Variants in CNBD1 observed in about 807,000 individuals in gnomAD.
CNBD1 encodes cyclic nucleotide-binding domain-containing protein 1.
Under a neutral mutation model 54.4 loss-of-function variants are expected in CNBD1, and 71 were observed. The ratio of observed to expected loss-of-function variants is 1.30; its 90% CI spans 1.08 to 1.59. The LOEUF is 1.59. CNBD1 is among the 40% of genes most tolerant of loss of function. CNBD1 has a pLI of 0.00. For missense variants in CNBD1, 659 were observed against 518.0 expected (o/e 1.27, Z -2.64); for synonymous variants, 182 against 170.7 (o/e 1.07, Z -0.51).
intron 4 of CNBD1, among the ~76,000 whole-genome samples, chr8:87,076,659 G>A (rs542546353): frequency 6.6e-6 from 1 of 152,210 alleles, no homozygotes; most frequent in East Asian, 1.9e-4. Context: ...AGCCAGGATA[G>A]TCTCGATCTC....
At position 87,424,390 on chromosome 8, in the gene CNBD1, C is replaced by T. The variant is rs575675711; in HGVS notation, c.214-4156C>T. On this transcript the variant is annotated intron_variant, in intron 2 of 7. Coordinates refer to the CNBD1 transcript ENST00000521593. ...GTTAGGGTGTCAATTTTGGATCTTT[C>T]CTGCTTTCTCTTGTGGGCATTTAGT... 2.0e-5 allele frequency among the ~76,000 whole-genome samples: 3 copies of T among 152,172 alleles called. No homozygotes were observed. The South Asian group carries it at 6.2e-4, about 32-fold the overall frequency.
At chr8:87,236,781 A>T (rs543668467) in intron 5 of CNBD1, 138 bp from the exon 6 acceptor site, 3 of 478,746 alleles carry the variant, frequency 6.3e-6, no homozygotes, top group African/African-American at 2.0e-5. Context: ...GAAAATGCCT[A>T]TTACATTAAA....
chr8:87,277,349 G>C (rs144399781), intron 6 of CNBD1, among the ~76,000 whole-genome samples: 2 of 151,758 alleles, frequency 1.3e-5, no homozygotes, highest in African/African-American at 4.8e-5. Flanking sequence ...AGTATGGAGG[G>C]CAATCTGATT....
In CNBD1 at chr8:87,286,523, T is replaced by C. The variant is rs745423755; in HGVS notation, c.910-16T>C. On this transcript the variant is annotated splice_polypyrimidine_tract_variant and intron_variant, in intron 7 of 10. Coordinates refer to ENST00000518476, the MANE Select transcript of CNBD1 (RefSeq NM_173538.3). ...TTGCCTGTTATTAAAAATTTGATAATGACATTCTGTTTTAGGAAAAAATAA... is the reference window on the plus strand; with the variant it reads ...TTGCCTGTTATTAAAAATTTGATAACGACATTCTGTTTTAGGAAAAAATAA... 1 of 1,345,686 alleles carries C rather than the reference T, an allele frequency of 7.4e-7. No individual in the cohort carries two copies. Among genetic ancestry groups the C allele is most frequent in the Non-Finnish European group, 1.0e-6 (1 of 969,626 alleles). 83.4% of individuals were successfully genotyped at this position (1,345,686 alleles called of 1,614,324 possible). A position where few individuals can be genotyped will look rare whatever the true frequency, so the allele number is the denominator to read the frequency against.
intron 4 of CNBD1, among the ~76,000 whole-genome samples, chr8:87,057,343 TTAATAA>T (rs1209628598): frequency 4.3e-4 from 65 of 152,242 alleles, no homozygotes; most frequent in African/African-American, 1.5e-3. Flanking sequence ...GCCCCTTACT[TTAATAA>T]AACCATCAGA....
chr8:87,418,291 G>A (rs528511561), intron 2 of CNBD1, among the ~76,000 whole-genome samples: 139 of 151,928 alleles, frequency 9.1e-4, no homozygotes, highest in Non-Finnish European at 1.7e-3. Flanking sequence ...TCAACAAATC[G>A]TGCTGAGACA....
intron 8 of CNBD1, among the ~76,000 whole-genome samples, chr8:87,332,712 T>C (rs1809861714): frequency 6.6e-6 from 1 of 152,010 alleles, no homozygotes; most frequent in African/African-American, 2.4e-5. Context: ...ATTTCTGAGG[T>C]CTCTATTATG....
At chr8:87,309,848 A>G (rs1809228678) in intron 8 of CNBD1, among the ~76,000 whole-genome samples, 1 of 152,102 alleles carries the variant, frequency 6.6e-6, no homozygotes, top group African/African-American at 2.4e-5. Context: ...TCAGGCAAGA[A>G]AAAAAATAAA....
intron 2 of CNBD1, among the ~76,000 whole-genome samples, chr8:86,900,159 A>AT (rs1416708506): frequency 2.0e-5 from 3 of 151,858 alleles, no homozygotes; most frequent in African/African-American, 7.3e-5. Context: ...AACCTTGAAG[A>AT]TTTTTTTTCT....
intron 5 of CNBD1, among the ~76,000 whole-genome samples, chr8:87,217,397 C>T (rs780817983): frequency 1.7e-4 from 26 of 152,008 alleles, no homozygotes; most frequent in Non-Finnish European, 2.7e-4. Flanking sequence ...GTAAAATTGA[C>T]ACATTTAGGA....
intron 10 of CNBD1, among the ~76,000 whole-genome samples, chr8:87,373,370 A>T (rs1810859368): frequency 6.6e-6 from 1 of 151,926 alleles, no homozygotes; most frequent in South Asian, 2.1e-4. Context: ...CATAATTTGG[A>T]GTGCTGCTAG....
chr8:87,124,307 A>G (rs1051448393), intron 4 of CNBD1, among the ~76,000 whole-genome samples: 7 of 151,650 alleles, frequency 4.6e-5, no homozygotes, highest in Non-Finnish European at 7.4e-5. Context: ...CTCCAGACAT[A>G]TGTTAGGTTG....
rs188596729 is a variant in CNBD1 at position 87,381,855 on chromosome 8, T to C, written c.1304-765T>C. ...TTACGAGGGGTTGAGGCATGGGAAA[T>C]GGGAACCTACTAATCCATGGGCATA... On this transcript the variant is annotated intron_variant, in intron 10 of 10. Transcript: ENST00000518476. Among the ~76,000 whole-genome samples the C allele has an allele frequency of 3.1e-3, 478 of 151,952 alleles. 2 individuals carry two copies. The highest frequency in any genetic ancestry group is 0.011 in the African/African-American group (451 of 41,522).
intron 4 of CNBD1, among the ~76,000 whole-genome samples, chr8:86,958,296 G>A (rs183993012): frequency 3.3e-5 from 5 of 152,244 alleles, no homozygotes; most frequent in Non-Finnish European, 7.4e-5. Flanking sequence ...TGAGAAAAGA[G>A]TGTATATTCT....
chr8:87,413,566 A>G (rs13257198), intron 2 of CNBD1, among the ~76,000 whole-genome samples: 40,844 of 151,854 alleles, frequency 0.27, 6,435 homozygotes, highest in Middle Eastern at 0.41. Flanking sequence ...GTTTGGTTTT[A>G]TTTATTGCTA....
chr8:87,401,542 T>A (rs1433873860), intron 2 of CNBD1, among the ~76,000 whole-genome samples: 1 of 152,074 alleles, frequency 6.6e-6, no homozygotes, highest in Admixed American at 6.6e-5. Flanking sequence ...ATTGTTTATC[T>A]TTCTTGTTTT....
At chr8:87,161,569 G>A in intron 4 of CNBD1, among the ~76,000 whole-genome samples, 1 of 152,004 alleles carries the variant, frequency 6.6e-6, no homozygotes, top group Non-Finnish European at 1.5e-5. Context: ...GAACAATTAA[G>A]TACACATAAA....
At chr8:87,402,827 A>G (rs1485433187) in intron 2 of CNBD1, among the ~76,000 whole-genome samples, 1 of 152,048 alleles carries the variant, frequency 6.6e-6, no homozygotes, top group Admixed American at 6.6e-5. Flanking sequence ...CAGAAAATAG[A>G]ATGGAAGCAA....
intron 5 of CNBD1, among the ~76,000 whole-genome samples, chr8:87,228,777 A>G (rs1814580976): frequency 6.6e-6 from 1 of 152,000 alleles, no homozygotes; most frequent in Non-Finnish European, 1.5e-5. Context: ...ACCCAGTTCG[A>G]GCTTCCAGGC....
Sources: allele counts gnomAD v4.1 joint callset (sites outside exome capture counted in the v4.1 genomes callset), GRCh38; gene constraint gnomAD v4.1.1; transcripts MANE v1.5; gene names NCBI Gene and HGNC (gene_info 2026-07-23, HGNC 2026-07-21).